The following RBFOX3 variants were observed in gnomAD, a reference collection of about 807,000 sequenced individuals.
The protein encoded by RBFOX3 is RNA binding fox-1 homolog 3.
A neutral mutation model predicts 48.7 loss-of-function variants in RBFOX3; 17 were observed. The observed-to-expected ratio is 0.35, with a 90% CI of 0.24 to 0.52. RBFOX3 has a LOEUF of 0.52. Ranked by LOEUF, RBFOX3 falls within the 20% of genes least tolerant of loss-of-function variation. The pLI, the probability that RBFOX3 is intolerant of heterozygous loss-of-function variation, is 0.94. For missense variants in RBFOX3, 382 were observed against 497.5 expected (o/e 0.77, Z 2.21); for synonymous variants, 212 against 209.5 (o/e 1.01, Z -0.10).
chr17:79,090,986 T>A, intron 14 of RBFOX3, 101 bp from the exon 15 acceptor site: 1 of 1,147,736 alleles, frequency 8.7e-7, no homozygotes, highest in Non-Finnish European at 1.2e-6. Context: ...TGGCCTAAAG[T>A]CCTGGCGCCG....
At chr17:79,551,479 G>T (rs1284944128) in intron 1 of RBFOX3, among the ~76,000 whole-genome samples, 1 of 146,644 alleles carries the variant, frequency 6.8e-6, no homozygotes, top group Admixed American at 6.8e-5. Flanking sequence ...GAAAAGATGG[G>T]TGGATGGACG....
At chr17:79,255,309 G>A (rs987355032) in intron 3 of RBFOX3, among the ~76,000 whole-genome samples, 7 of 151,840 alleles carry the variant, frequency 4.6e-5, no homozygotes, top group African/African-American at 7.3e-5. Flanking sequence ...TGACGGTGCC[G>A]TAGACTCACT....
At chr17:79,410,709 C>G (rs2064190650) in intron 2 of RBFOX3, among the ~76,000 whole-genome samples, 1 of 152,288 alleles carries the variant, frequency 6.6e-6, no homozygotes, top group South Asian at 2.1e-4. Flanking sequence ...AGCCCCTGAG[C>G]TGGAGGTGTT....
the RBFOX3 span, among the ~76,000 whole-genome samples, chr17:79,616,666 T>C: frequency 6.6e-6 from 1 of 151,672 alleles, no homozygotes; most frequent in Non-Finnish European, 1.5e-5. Flanking sequence ...GTGTCGGATC[T>C]CCCCTTCAGG....
At chr17:79,561,901 A>G (rs2092246144) in intron 1 of RBFOX3, among the ~76,000 whole-genome samples, 1 of 152,156 alleles carries the variant, frequency 6.6e-6, no homozygotes, top group African/African-American at 2.4e-5. Flanking sequence ...GGGGAGGGAC[A>G]TTGGGCTTCC....
chr17:79,433,626 G>A (rs1242168516), intron 2 of RBFOX3, among the ~76,000 whole-genome samples: 1 of 152,200 alleles, frequency 6.6e-6, no homozygotes, highest in African/African-American at 2.4e-5. Context: ...TTCCACGTGA[G>A]CAGGACTGAG....
At chr17:79,245,796 T>C (rs1349512930) in intron 3 of RBFOX3, among the ~76,000 whole-genome samples, 1 of 151,964 alleles carries the variant, frequency 6.6e-6, no homozygotes, top group East Asian at 1.9e-4. Flanking sequence ...ACTGGCTAAT[T>C]TTTGTATTTT....
At chr17:79,620,543 ACGCATG>A in the RBFOX3 span, among the ~76,000 whole-genome samples, 1 of 149,694 alleles carries the variant, frequency 6.7e-6, no homozygotes, top group African/African-American at 2.5e-5. Flanking sequence ...ACATGCACAC[ACGCATG>A]CACACATGTG....
At chr17:79,147,555 A>AG (rs934584321) in intron 4 of RBFOX3, among the ~76,000 whole-genome samples, 111 of 150,484 alleles carry the variant, frequency 7.4e-4, no homozygotes, top group Admixed American at 1.7e-3. Flanking sequence ...CTCATTGGGG[A>AG]GGGGGGGGGC....
At chr17:79,338,235 G>A (rs1405525961) in intron 2 of RBFOX3, among the ~76,000 whole-genome samples, 1 of 152,110 alleles carries the variant, frequency 6.6e-6, no homozygotes, top group Non-Finnish European at 1.5e-5. Flanking sequence ...CACCGCGCCT[G>A]GCCTTCTCCA....
chr17:79,097,663 T>TGCCCACCCCCCCCCCCC, intron 10 of RBFOX3, 29 bp downstream of exon 10: 1 of 1,384,076 alleles, frequency 7.2e-7, no homozygotes, highest in African/African-American at 1.6e-5. Flanking sequence ...GCTGGTCTCA[T>TGCCCACCCCCCCCCCCC]CCCATCCCCG....
intron 2 of RBFOX3, among the ~76,000 whole-genome samples, chr17:79,316,643 C>T (rs371485606): frequency 2.0e-5 from 3 of 152,268 alleles, no homozygotes; most frequent in South Asian, 4.1e-4. Context: ...CCCCAGACCC[C>T]TGCACATCTG....
the RBFOX3 span, among the ~76,000 whole-genome samples, chr17:79,627,143 T>G: frequency 6.6e-6 from 1 of 152,208 alleles, no homozygotes; most frequent in Non-Finnish European, 1.5e-5. Context: ...GCCCTGGCCC[T>G]TCCCTGTCCA....
intron 4 of RBFOX3, among the ~76,000 whole-genome samples, chr17:79,136,775 C>A (rs1467132517): frequency 6.6e-6 from 1 of 152,204 alleles, no homozygotes; most frequent in Middle Eastern, 3.2e-3. Flanking sequence ...CAGTGCCAGG[C>A]CAGCTCTCAT....
chr17:79,514,667 C>T (rs1420009151), intron 1 of RBFOX3, among the ~76,000 whole-genome samples: 41 of 152,352 alleles, frequency 2.7e-4, no homozygotes, highest in African/African-American at 9.9e-4. Context: ...CACAGCCACC[C>T]CTAGTAACCC....
intron 2 of RBFOX3, among the ~76,000 whole-genome samples, chr17:79,380,381 C>T (rs750213294): frequency 2.0e-5 from 3 of 152,234 alleles, no homozygotes; most frequent in Non-Finnish European, 4.4e-5. Context: ...AACACTTTAT[C>T]CAAGGCTCTT....
chr17:79,426,623 G>T (rs1202561389), intron 2 of RBFOX3, among the ~76,000 whole-genome samples: 2 of 152,134 alleles, frequency 1.3e-5, no homozygotes, highest in Non-Finnish European at 2.9e-5. Flanking sequence ...TGACTTACTT[G>T]TCCACACCCC....
intron 4 of RBFOX3, among the ~76,000 whole-genome samples, chr17:79,223,811 C>T (rs1321648176): frequency 6.6e-6 from 1 of 152,210 alleles, no homozygotes; most frequent in Non-Finnish European, 1.5e-5. Context: ...GCCCCCCCTA[C>T]AGCACAGCAC....
At chr17:79,357,606 G>A (rs969204827) in intron 2 of RBFOX3, among the ~76,000 whole-genome samples, 13 of 151,946 alleles carry the variant, frequency 8.6e-5, no homozygotes, top group Non-Finnish European at 1.2e-4. Context: ...ACTCCAGCCT[G>A]GGCGACAGAG....
Sources: gnomAD v4.1 joint callset for allele counts (sites outside exome capture counted in the v4.1 genomes callset) on GRCh38, gnomAD v4.1.1 for gene constraint, MANE v1.5 for transcripts, NCBI Gene and HGNC (gene_info 2026-07-23, HGNC 2026-07-21) for gene names.